TRIM5: variants seen among roughly 807,000 people sequenced by gnomAD.
TRIM5 encodes tripartite motif-containing protein 5.
Under a neutral mutation model 35.6 loss-of-function variants are expected in TRIM5, and 31 were observed. The ratio of observed to expected loss-of-function variants is 0.87; its 90% confidence interval spans 0.65 to 1.18. The LOEUF (loss-of-function observed/expected upper bound fraction) is 1.18, where lower values mean the gene tolerates loss of function less well. Ranked by LOEUF, TRIM5 falls within the 50% of genes most tolerant of loss-of-function variation. The pLI, the probability that TRIM5 is intolerant of heterozygous loss-of-function variation, is 0.00. For synonymous variants in TRIM5, 243 were observed against 215.6 expected, an observed-to-expected ratio of 1.13 and a Z score of -1.11; for missense variants, 609 against 591.6, an observed-to-expected ratio of 1.03 and a Z score of -0.31.
the TRIM5 span, chr11:5,603,339 A>G: frequency 6.2e-7 from 1 of 1,614,066 alleles, no homozygotes; most frequent in Non-Finnish European, 8.5e-7. Flanking sequence ...TGGTGGACAT[A>G]CGAGAAGAGG....
the TRIM5 span, chr11:5,611,062 A>G: frequency 1.1e-5 from 18 of 1,614,194 alleles, no homozygotes; most frequent in South Asian, 1.9e-4. Flanking sequence ...TCCAGGTATC[A>G]GCCTCAGAGT....
At chr11:5,678,817 A>C (rs1368619981) in intron 3 of TRIM5, among the ~76,000 whole-genome samples, 1 of 152,218 alleles carries the variant, frequency 6.6e-6, no homozygotes, top group Non-Finnish European at 1.5e-5. Flanking sequence ...CACGGACTCA[A>C]AAAGTAGCAC....
In TRIM5 at chr11:5,663,203, T is replaced by A. The variant is rs1205970734; in HGVS notation, c.*1606A>T. On this transcript the variant is annotated 3_prime_UTR_variant, in exon 8 of 8. Transcript: ENST00000380034. Reference sequence around the variant, plus strand: ...TGGATTACCCCTTACATGCTAGAAATGAGTGAAGCTATTCAAAAAACTCGT... The same window carrying A: ...TGGATTACCCCTTACATGCTAGAAAAGAGTGAAGCTATTCAAAAAACTCGT... The A allele has an allele frequency of 1.1e-6, 1 of 922,884 alleles. No homozygotes were observed. Among genetic ancestry groups the A allele is most frequent in the African/African-American group, 1.8e-5 (1 of 56,006 alleles). 57.2% of individuals were successfully genotyped at this position (922,884 alleles called of 1,614,324 possible).
At position 5,679,910 on chromosome 11, in the gene TRIM5, GC is replaced by G; in HGVS notation, c.267del (p.Gln90ArgfsTer51). On this transcript the variant is annotated frameshift_variant, in exon 2 of 8. Coordinates refer to ENST00000380034, the MANE Select transcript of TRIM5 (RefSeq NM_033034.3). LOFTEE classifies it high-confidence loss of function. The part of the protein sequence containing the change: ...KLREVKLSPE[G>X]QKVDHCARHG... ...TGGCGTGCACAATGATCAACTTTCT[GC>G]CCCTCTGGGCTCAACTTGACCTCCC... The G allele has an allele frequency of 6.2e-7, 1 of 1,613,950 alleles. No homozygotes were observed. The highest frequency in any genetic ancestry group is 8.5e-7 in the Non-Finnish European group (1 of 1,180,008).
intron 4 of TRIM5, among the ~76,000 whole-genome samples, chr11:5,669,137 C>T (rs947268968): frequency 1.6e-4 from 24 of 148,590 alleles, no homozygotes; most frequent in African/African-American, 2.8e-4. Context: ...TGCAGTGCAA[C>T]GGCGCGATCT....
At chr11:5,673,671 C>T (rs1175738189) in intron 4 of TRIM5, among the ~76,000 whole-genome samples, 3 of 152,004 alleles carry the variant, frequency 2.0e-5, no homozygotes, top group African/African-American at 4.8e-5. Context: ...TGTAATGTTC[C>T]ATACCATAAG....
At chr11:5,603,748 G>T in the TRIM5 span, 1 of 1,611,576 alleles carries the variant, frequency 6.2e-7, no homozygotes, top group African/African-American at 1.3e-5. Context: ...GAGACCCCAG[G>T]ATGGAATGGG....
chr11:5,642,768 C>G, the TRIM5 span: 7 of 1,611,542 alleles, frequency 4.3e-6, no homozygotes. Context: ...GGTATCAGTG[C>G]TTACTCCTTT....
chr11:5,674,099 T>C (rs751855775), intron 4 of TRIM5, among the ~76,000 whole-genome samples: 1 of 152,052 alleles, frequency 6.6e-6, no homozygotes, highest in Non-Finnish European at 1.5e-5. Context: ...CTTTTTAATT[T>C]CATAAAAGTT....
chr11:5,672,414 GT>G (rs963378862), intron 4 of TRIM5, among the ~76,000 whole-genome samples: 8 of 152,070 alleles, frequency 5.3e-5, no homozygotes, highest in African/African-American at 1.9e-4. Flanking sequence ...GTTTCTGCAT[GT>G]TGGCCAGCTG....
intron 4 of TRIM5, among the ~76,000 whole-genome samples, chr11:5,670,938 C>A (rs1203023868): frequency 6.6e-6 from 1 of 152,096 alleles, no homozygotes; most frequent in African/African-American, 2.4e-5. Flanking sequence ...TCAGAAACAA[C>A]AAAGTAACAA....
At chr11:5,652,842 TTTTC>T in the TRIM5 span, among the ~76,000 whole-genome samples, 7 of 150,392 alleles carry the variant, frequency 4.7e-5, no homozygotes, top group African/African-American at 1.5e-4. Flanking sequence ...TCTGATTTCT[TTTTC>T]TTTTTCTTTT....
chr11:5,682,763 A>G (rs1852595324), intron 1 of TRIM5, among the ~76,000 whole-genome samples: 1 of 152,204 alleles, frequency 6.6e-6, no homozygotes, highest in South Asian at 2.1e-4. Flanking sequence ...CCTGGGTTGT[A>G]TTGAGAGGTG....
chr11:5,640,509 T>G, the TRIM5 span, among the ~76,000 whole-genome samples: 1 of 152,148 alleles, frequency 6.6e-6, no homozygotes, highest in Non-Finnish European at 1.5e-5. Context: ...AGGTATAATC[T>G]TTTTGCTGGA....
the TRIM5 span, chr11:5,642,796 C>A: frequency 6.2e-6 from 10 of 1,613,756 alleles, no homozygotes; most frequent in Non-Finnish European, 7.6e-6. Context: ...ATCAGCATCA[C>A]TGAATCTTTT....
At chr11:5,619,510 G>A in the TRIM5 span, among the ~76,000 whole-genome samples, 24 of 140,370 alleles carry the variant, frequency 1.7e-4, no homozygotes, top group African/African-American at 5.3e-5. Context: ...TCCACTATGG[G>A]AACTCACTTT....
At chr11:5,656,634 G>A in the TRIM5 span, among the ~76,000 whole-genome samples, 3 of 152,098 alleles carry the variant, frequency 2.0e-5, no homozygotes, top group South Asian at 2.1e-4. Flanking sequence ...GATTATAGGC[G>A]TGAGCCACTA....
the TRIM5 span, among the ~76,000 whole-genome samples, chr11:5,615,578 T>G: frequency 4.0e-5 from 3 of 75,422 alleles, no homozygotes; most frequent in Admixed American, 1.3e-4. Context: ...TTGTTTTTTG[T>G]TTTTTTTTTG....
the TRIM5 span, chr11:5,603,541 A>C: frequency 6.2e-7 from 1 of 1,614,098 alleles, no homozygotes; most frequent in Non-Finnish European, 8.5e-7. Flanking sequence ...TCTGGCCAAC[A>C]TAGTGAGGCG....
Sources: gnomAD v4.1 joint callset for allele counts (sites outside exome capture counted in the v4.1 genomes callset) on GRCh38, gnomAD v4.1.1 for gene constraint, MANE v1.5 for transcripts, NCBI Gene and HGNC (gene_info 2026-07-23, HGNC 2026-07-21) for gene names.